TMEM126A: variants seen among roughly 807,000 people sequenced by gnomAD.
TMEM126A encodes transmembrane protein 126A.
In TMEM126A, 10 loss-of-function variants were observed where a neutral mutation model predicts 18.3. The observed-to-expected ratio is 0.55, with a 90% confidence interval of 0.34 to 0.93. The LOEUF is 0.93. Among genes scored for constraint, TMEM126A ranks in the 40% least tolerant of loss-of-function variants. The probability of loss-of-function intolerance (pLI) is 0.02; values close to 1 mark genes in which losing one functional copy is unlikely to be tolerated. For synonymous variants in TMEM126A, 68 were observed against 78.1 expected (o/e 0.87, Z 0.68); for missense variants, 246 against 230.2 (o/e 1.07, Z -0.44).
At chr11:85,648,309 C>T (rs1216193227) in intron 1 of TMEM126A, among the ~76,000 whole-genome samples, 1 of 152,194 alleles carries the variant, frequency 6.6e-6, no homozygotes, top group Non-Finnish European at 1.5e-5. Context: ...TGAATTTAAT[C>T]CCAGGTTTAC....
Position 85,656,541 on chromosome 11 carries a change from C to G in TMEM126A, c.*40C>G. Reference sequence around the variant, plus strand: ...GTAAACAAAAATAAAATGGTAAAAACAGTTTATGTCTAATGTTATGTCTAA... The same window carrying G: ...GTAAACAAAAATAAAATGGTAAAAAGAGTTTATGTCTAATGTTATGTCTAA... On this transcript the variant is annotated 3_prime_UTR_variant, in exon 5 of 5. Transcript: ENST00000304511. The G allele has an allele frequency of 1.3e-6, 2 of 1,507,932 alleles. No homozygotes were observed. Among genetic ancestry groups the G allele is most frequent in the South Asian group, 2.3e-5 (2 of 87,354 alleles). The allele number at this position is 1,507,932 out of a possible 1,614,324, so 93.4% of individuals were successfully genotyped here.
chr11:85,650,406 C>G, intron 2 of TMEM126A, 65 bp downstream of exon 2: 2 of 1,186,970 alleles, frequency 1.7e-6, no homozygotes, highest in African/African-American at 3.0e-5. Context: ...GATTCATTAT[C>G]TCAAGTTTAT....
Position 85,656,509 on chromosome 11 carries a change from C to A in TMEM126A, c.*8C>A, listed in dbSNP as rs1257122212. 1 of 1,606,284 alleles carries A rather than the reference C, an allele frequency of 6.2e-7. No individual in the cohort carries two copies. The highest frequency in any genetic ancestry group is 8.5e-7 in the Non-Finnish European group (1 of 1,174,326). ...GGCAAAGAAATTCACTGATTTTAAACAAATATGTAAACAAAAATAAAATGG... is the reference window on the plus strand; with the variant it reads ...GGCAAAGAAATTCACTGATTTTAAAAAAATATGTAAACAAAAATAAAATGG... On this transcript the variant is annotated 3_prime_UTR_variant, in exon 5 of 5. Transcript: ENST00000304511.
At chr11:85,650,966 G>A (rs2082494677) in intron 2 of TMEM126A, among the ~76,000 whole-genome samples, 1 of 151,510 alleles carries the variant, frequency 6.6e-6, no homozygotes, top group Non-Finnish European at 1.5e-5. Flanking sequence ...CTACTTGGGA[G>A]GCTGAGGCAG....
At position 85,656,322 on chromosome 11, in the gene TMEM126A, C is replaced by T. The variant is rs765038408; in HGVS notation, c.409C>T (p.Leu137=). The T allele has an allele frequency of 1.2e-6, 2 of 1,611,336 alleles. No homozygotes were observed. The highest frequency in any genetic ancestry group is 2.2e-5 in the East Asian group (1 of 44,764). Residue 137 remains leucine, a synonymous_variant, in exon 5 of 5, where the codon CTG becomes TTG. Coordinates refer to ENST00000304511, the MANE Select transcript of TMEM126A (RefSeq NM_032273.4). ...GTTTTCTTACAGGTATCAATCAGCT[C>T]TGTTACCACACAAAGGGAACATCTT... ...GGLAARYQSA[L]LPHKGNILSY...
chr11:85,650,460 C>A, intron 2 of TMEM126A, 119 bp downstream of exon 2: 1 of 772,938 alleles, frequency 1.3e-6, no homozygotes, highest in South Asian at 1.6e-5. Context: ...AGGAAATTGC[C>A]CTTTTCTTGC....
intron 2 of TMEM126A, 66 bp downstream of exon 2, chr11:85,650,407 T>G: frequency 8.6e-7 from 1 of 1,163,038 alleles, no homozygotes; most frequent in Non-Finnish European, 1.3e-6. Context: ...ATTCATTATC[T>G]CAAGTTTATC....
rs117453673 is a variant in TMEM126A at position 85,654,270 on chromosome 11, C to T, written c.280+14C>T. On this transcript the variant is annotated intron_variant, in intron 3 of 4. Coordinates refer to ENST00000304511, the MANE Select transcript of TMEM126A (RefSeq NM_032273.4). The stretch of plus-strand genomic sequence containing the variant: ...CTTTGAATACAGGTAAATTCTACTT[C>T]ACTATCACCAAAGAGTTTGCCTTAG... 5.3e-4 allele frequency: 856 copies of T among 1,612,428 alleles called. 10 individuals are homozygous for T. In the East Asian group the frequency reaches 0.017, roughly 32 times the overall value.
At chr11:85,655,158 T>C (rs1245773052) in intron 3 of TMEM126A, among the ~76,000 whole-genome samples, 1 of 152,196 alleles carries the variant, frequency 6.6e-6, no homozygotes, top group Middle Eastern at 3.2e-3. Context: ...TCCATCTAAA[T>C]TTTGTTAAGT....
rs147575629 is a variant in TMEM126A at position 85,655,608 on chromosome 11, G to A, written c.295G>A (p.Glu99Lys). ...TTATTTCCTAGGTGATTTGGATTGTGAAACCTGTACCATAACACGGAGTGG... is the reference window on the plus strand; with the variant it reads ...TTATTTCCTAGGTGATTTGGATTGTAAAACCTGTACCATAACACGGAGTGG... ...FPLNTGDLDC[E>K]TCTITRSGLT... is the part of the protein sequence containing the mutation. Residue 99 changes from glutamate (E) to lysine (K), a missense_variant, in exon 4 of 5, where the codon GAA becomes AAA. Transcript: ENST00000304511. The A allele has an allele frequency of 2.5e-6, 4 of 1,613,376 alleles. No homozygotes were observed. Among genetic ancestry groups the A allele is most frequent in the Non-Finnish European group, 2.5e-6 (3 of 1,179,440 alleles).
rs201491180 is a variant in TMEM126A, at chr11:85,648,050, A to AGACC, written c.-46_-45insACCG. On this transcript the variant is annotated 5_prime_UTR_variant, in exon 1 of 5. Coordinates refer to ENST00000304511, the MANE Select transcript of TMEM126A (RefSeq NM_032273.4). ...CAGTGAACTCCGGCGTGGCTGAGGA[A>AGACC]GGAGGAGGCACCCACAGGCTGCTGG... 42,670 of 152,122 alleles carry AGACC rather than the reference A, an allele frequency of 0.28. 6,516 individuals carry two copies. The highest frequency in any genetic ancestry group is 0.39 in the African/African-American group (16,089 of 41,384). The allele number at this position is 152,122 out of a possible 1,614,324, so 9.4% of individuals were successfully genotyped here.
Position 85,656,425 on chromosome 11 carries a change from C to T in TMEM126A, c.512C>T (p.Ala171Val). Residue 171 changes from alanine to valine, a missense_variant, in exon 5 of 5, where the codon GCA (alanine) becomes GTA (valine). Physicochemically the swap from Ala to Val is moderately conservative, Grantham distance 64. Transcript: ENST00000304511. ...FPILLQTMFS[A>V]YLGSEQYKLL... ...ATTTTGCTCCAGACTATGTTTTCAGCATACCTTGGGTCTGAACAATATAAA... is the reference window on the plus strand; with the variant it reads ...ATTTTGCTCCAGACTATGTTTTCAGTATACCTTGGGTCTGAACAATATAAA... 6.2e-7 allele frequency: 1 copy of T among 1,613,308 alleles called. No homozygotes were observed.
intron 4 of TMEM126A, 52 bp downstream of exon 4, chr11:85,655,760 C>A: frequency 7.8e-7 from 1 of 1,275,922 alleles, no homozygotes; most frequent in Non-Finnish European, 1.1e-6. Flanking sequence ...AAACTCACAA[C>A]TTAAAGCAGC....
chr11:85,656,025 C>G (rs2082535345), intron 4 of TMEM126A, among the ~76,000 whole-genome samples: 1 of 152,110 alleles, frequency 6.6e-6, no homozygotes, highest in Non-Finnish European at 1.5e-5. Context: ...AACACTTGCA[C>G]TAAAGGAAAA....
chr11:85,655,731 T>C (rs1163942996), intron 4 of TMEM126A, 23 bp downstream of exon 4: 5 of 1,499,010 alleles, frequency 3.3e-6, no homozygotes, highest in African/African-American at 1.4e-5. Context: ...AAACTTTTTA[T>C]AATATGTGAT....
At position 85,652,041 on chromosome 11, in the gene TMEM126A, G is replaced by A. The variant is rs566847903; in HGVS notation, c.86+1700G>A. ...TAGCCAGATGTGGGGGCACGTGCCT[G>A]TAGTCCTACCCACTGGAGAAGCTGA... On this transcript the variant is annotated intron_variant, in intron 2 of 4. Transcript: ENST00000304511. Among the ~76,000 whole-genome samples the A allele has an allele frequency of 7.9e-5, 12 of 152,316 alleles. No homozygotes were observed. In the South Asian group the frequency reaches 2.5e-3, roughly 32 times the overall value.
intron 2 of TMEM126A, 64 bp from the exon 3 acceptor site, chr11:85,653,999 A>C: frequency 6.4e-7 from 1 of 1,571,266 alleles, no homozygotes; most frequent in Non-Finnish European, 8.8e-7. Context: ...AACACATGTC[A>C]AGATCGGGAA....
intron 2 of TMEM126A, 171 bp from the exon 3 acceptor site, chr11:85,653,892 G>A: frequency 1.4e-6 from 1 of 694,290 alleles, no homozygotes. Flanking sequence ...CTGGCTGCTG[G>A]GAGAAGAGCA....
intron 3 of TMEM126A, among the ~76,000 whole-genome samples, chr11:85,655,054 GTGT>G (rs1159497494): frequency 6.6e-6 from 1 of 152,002 alleles, no homozygotes; most frequent in Non-Finnish European, 1.5e-5. Flanking sequence ...AATCTACCAT[GTGT>G]GCTGAATACT....
Sources: gnomAD v4.1 joint callset for allele counts (sites outside exome capture counted in the v4.1 genomes callset) on GRCh38, gnomAD v4.1.1 for gene constraint, MANE v1.5 for transcripts, NCBI Gene and HGNC (gene_info 2026-07-23, HGNC 2026-07-21) for gene names.